The following USH1C variants were observed in gnomAD, a reference collection of about 807,000 sequenced individuals.
USH1C encodes the protein harmonin.
Under a neutral mutation model 119.3 loss-of-function variants are expected in USH1C, and 90 were observed. The observed-to-expected ratio is 0.75, with a 90% confidence interval of 0.64 to 0.90. USH1C has a LOEUF of 0.90. USH1C is among the 40% of genes least tolerant of loss of function. The pLI, the probability that USH1C is intolerant of heterozygous loss-of-function variation, is 0.00. For synonymous variants in USH1C, 465 were observed against 443.3 expected (o/e 1.05, Z -0.62); for missense variants, 1,165 against 1,167.7 (o/e 1.00, Z 0.03).
At chr11:17,508,936 C>T (rs1031324480) in intron 18 of USH1C, among the ~76,000 whole-genome samples, 2 of 152,028 alleles carry the variant, frequency 1.3e-5, no homozygotes, top group African/African-American at 4.8e-5. Context: ...CTTTTTTTCC[C>T]GTTAAATCAG....
rs1049551355 is a variant in USH1C at position 17,498,244 on chromosome 11, A to G, written c.2408T>C (p.Met803Thr). The part of the protein sequence containing the change: ...HGGIVKGDEI[M>T]AINGKIVTDY... ...TGTCACAATCTTGCCGTTGATTGCC[A>G]TGATCTCGTCCCCTTTCACAATGCC... The change falls in exon 24 of 27, where the codon ATG becomes ACG. Residue 803 changes from methionine (M) to threonine (T), a missense_variant. By Grantham distance (81) the Met-to-Thr change is moderately conservative. Coordinates refer to ENST00000005226, the MANE Select transcript of USH1C (RefSeq NM_153676.4). 6 of 1,614,102 alleles carry G rather than the reference A, an allele frequency of 3.7e-6. No homozygotes were observed. The African/African-American group carries it at 4.0e-5, about 11-fold the overall frequency.
intron 23 of USH1C, among the ~76,000 whole-genome samples, chr11:17,499,156 G>C (rs1356399659): frequency 6.6e-6 from 1 of 152,186 alleles, no homozygotes; most frequent in African/African-American, 2.4e-5. Context: ...ACACCTCTTT[G>C]ACATCAGAGC....
chr11:17,527,592 G>A (rs1850766836), intron 4 of USH1C, among the ~76,000 whole-genome samples: 2 of 152,192 alleles, frequency 1.3e-5, no homozygotes, highest in Admixed American at 6.5e-5. Context: ...CAGCGGGTGT[G>A]CAGCAGAGCT....
intron 1 of USH1C, among the ~76,000 whole-genome samples, chr11:17,541,062 A>G (rs1452882514): frequency 1.3e-5 from 2 of 151,736 alleles, no homozygotes; most frequent in African/African-American, 4.8e-5. Flanking sequence ...TGTTGCTTCC[A>G]CTTTAGGGAA....
rs1004559974 is a variant in USH1C at position 17,513,846 on chromosome 11, A to C, written c.1261-1792T>G. ...AAAGAAAGAAAGAAAGAAAAAAAAA[A>C]CTACCAGTGCTAAGATTATAGAGTC... is the stretch of plus-strand genomic sequence containing the variant. On this transcript the variant is annotated intron_variant, in intron 15 of 26. Transcript: ENST00000005226. Among the ~76,000 whole-genome samples the C allele has an allele frequency of 8.7e-5, 13 of 148,694 alleles. No individual in the cohort carries two copies. In the South Asian group the frequency reaches 1.1e-3, roughly 13 times the overall value.
chr11:17,521,194 A>G (rs933202285), intron 13 of USH1C, 152 bp downstream of exon 13: 6 of 1,041,970 alleles, frequency 5.8e-6, no homozygotes, highest in South Asian at 2.6e-5. Context: ...TTCAGTTACT[A>G]TAATATGACA....
At chr11:17,529,151 C>T (rs1850845863) in intron 4 of USH1C, among the ~76,000 whole-genome samples, 1 of 152,240 alleles carries the variant, frequency 6.6e-6, no homozygotes, top group African/African-American at 2.4e-5. Flanking sequence ...CCCTCAAGTC[C>T]CACACAAAGG....
At chr11:17,501,806 T>C in intron 21 of USH1C, 133 bp downstream of exon 21, 1 of 1,066,098 alleles carries the variant, frequency 9.4e-7, no homozygotes, top group Non-Finnish European at 1.4e-6. Context: ...AGCTGGGGCA[T>C]CACTGGGGCT....
intron 7 of USH1C, 44 bp from the exon 8 acceptor site, chr11:17,526,485 T>G: frequency 6.4e-7 from 1 of 1,557,530 alleles, no homozygotes; most frequent in Non-Finnish European, 8.8e-7. Context: ...TCCACATGCG[T>G]GCAAGCGGCC....
rs1202489625 is a variant in USH1C at position 17,495,696 on chromosome 11, G to A, written c.2547-19C>T. The A allele has an allele frequency of 5.0e-6, 8 of 1,612,070 alleles. No individual in the cohort carries two copies. The East Asian group carries it at 1.3e-4, about 27-fold the overall frequency. ...AGAAGCTCTATATATACAGAGCAGA[G>A]CAAGAAACACAAAACAGGCTTGGTT... On this transcript the variant is annotated intron_variant, in intron 25 of 26. Transcript: ENST00000005226.
intron 12 of USH1C, among the ~76,000 whole-genome samples, chr11:17,522,077 C>T (rs917070506): frequency 6.6e-6 from 1 of 152,176 alleles, no homozygotes; most frequent in Non-Finnish European, 1.5e-5. Flanking sequence ...AGATGATCTG[C>T]CGGCCTCGAC....
In USH1C at chr11:17,527,873, T is replaced by C. The variant is rs183893837; in HGVS notation, c.388-542A>G. ...CACACACACACATATGATTTTTTTT[T>C]CCCATCATATGGAAACTTGATGAAC... is the stretch of plus-strand genomic sequence containing the variant. On this transcript the variant is annotated intron_variant, in intron 4 of 26. Transcript: ENST00000005226. Among the ~76,000 whole-genome samples the C allele has an allele frequency of 1.3e-4, 20 of 152,214 alleles. No homozygotes were observed. In the East Asian group the frequency reaches 1.4e-3, roughly 10 times the overall value.
Position 17,509,447 on chromosome 11 carries a change from C to T in USH1C, c.1922G>A (p.Gly641Asp). 6.2e-7 allele frequency: 1 copy of T among 1,612,494 alleles called. No homozygotes were observed. The highest frequency in any genetic ancestry group is 8.5e-7 in the Non-Finnish European group (1 of 1,179,034). Reference sequence around the variant, plus strand: ...TGCCTCCCAGTCCTCCACTGGATTGCCTGTGTCCCCAGTGCGGAAGGGATG... The same window carrying T: ...TGCCTCCCAGTCCTCCACTGGATTGTCTGTGTCCCCAGTGCGGAAGGGATG... ...SNHPFRTGDT[G>D]NPVEDWEAKN... The change falls in exon 18 of 27, where the codon GGC becomes GAC. Residue 641 changes from glycine to aspartate, a missense_variant. By Grantham distance (94) the Gly-to-Asp change is moderately conservative. Transcript: ENST00000005226.
At chr11:17,506,071 C>G in intron 18 of USH1C, 122 bp from the exon 19 acceptor site, 1 of 1,425,540 alleles carries the variant, frequency 7.0e-7, no homozygotes, top group South Asian at 1.2e-5. Flanking sequence ...CCTGGTCATT[C>G]AACTGCTCGA....
intron 26 of USH1C, 48 bp from the exon 27 acceptor site, chr11:17,494,424 C>T (rs557462431): frequency 3.2e-6 from 5 of 1,560,204 alleles, no homozygotes; most frequent in Non-Finnish European, 4.3e-6. Flanking sequence ...TTTGTGGGTG[C>T]ACACTCAGCC....
Position 17,511,776 on chromosome 11 carries a change from A to G in USH1C, c.1413+126T>C, listed in dbSNP as rs982374973. On this transcript the variant is annotated intron_variant, in intron 16 of 26. Transcript: ENST00000005226. ...TCTCTCTCCAGGCTGGGGAGCAGGA[A>G]AGGGCTCACTCCACCCTTGTATGCC... The G allele has an allele frequency of 7.8e-6, 9 of 1,146,924 alleles. No homozygotes were observed. The African/African-American group carries it at 1.4e-4, about 18-fold the overall frequency. The allele number at this position is 1,146,924 out of a possible 1,614,324, so 71.0% of individuals were successfully genotyped here. A position where few individuals can be genotyped will look rare whatever the true frequency, so the allele number is the denominator to read the frequency against.
At position 17,510,480 on chromosome 11, in the gene USH1C, C is replaced by A; in HGVS notation, c.1455G>T (p.Lys485Asn). ...AGAGCCTCTCCACCCAATATTGAAT[C>A]TTTTCCGATTCTTCAAGGTCTTCCC... is the stretch of plus-strand genomic sequence containing the variant. Reference protein sequence around the residue: ...TEREDLEESEKIQYWVERLCQ... With the variant: ...TEREDLEESENIQYWVERLCQ... Residue 485 changes from lysine to asparagine, a missense_variant, in exon 17 of 27, where the codon AAG becomes AAT. Coordinates refer to ENST00000005226, the MANE Select transcript of USH1C (RefSeq NM_153676.4). 15 of 1,613,926 alleles carry A rather than the reference C, an allele frequency of 9.3e-6. No individual in the cohort carries two copies. Among genetic ancestry groups the A allele is most frequent in the Non-Finnish European group, 1.3e-5 (15 of 1,179,998 alleles).
At chr11:17,537,651 C>G (rs1379898061) in intron 1 of USH1C, among the ~76,000 whole-genome samples, 1 of 152,166 alleles carries the variant, frequency 6.6e-6, no homozygotes, top group Non-Finnish European at 1.5e-5. Context: ...GGACAGCTTT[C>G]CTCCTCTCAT....
chr11:17,510,381 A>G (rs757998075), intron 17 of USH1C, 24 bp downstream of exon 17: 1 of 1,581,534 alleles, frequency 6.3e-7, no homozygotes, highest in Non-Finnish European at 8.7e-7. Flanking sequence ...AGGAGGGTCT[A>G]TGTGGAAAGA....
Sources: gnomAD v4.1 joint callset for allele counts (sites outside exome capture counted in the v4.1 genomes callset) on GRCh38, gnomAD v4.1.1 for gene constraint, MANE v1.5 for transcripts, NCBI Gene and HGNC (gene_info 2026-07-23, HGNC 2026-07-21) for gene names.